The following CPA6 variants were observed in gnomAD, a reference collection of about 807,000 sequenced individuals.
The protein encoded by CPA6 is carboxypeptidase A6.
In CPA6, 58 loss-of-function variants were observed where a neutral mutation model predicts 63.3. The observed-to-expected ratio is 0.92, with a 90% confidence interval of 0.74 to 1.14. The LOEUF (loss-of-function observed/expected upper bound fraction) is 1.14, where lower values mean the gene tolerates loss of function less well. Among genes scored for constraint, CPA6 ranks in the 50% most tolerant of loss-of-function variants. The pLI is 0.00. For missense variants in CPA6, 565 were observed against 526.6 expected (o/e 1.07, Z -0.71); for synonymous variants, 185 against 179.0 (o/e 1.03, Z -0.27).
chr8:67,706,726 C>T (rs999069030), intron 1 of CPA6, among the ~76,000 whole-genome samples: 20 of 151,910 alleles, frequency 1.3e-4, no homozygotes, highest in Non-Finnish European at 7.4e-5. Flanking sequence ...CTTATATGAA[C>T]GTTCTACTCT....
chr8:67,446,290 G>A (rs1367232504), intron 8 of CPA6, among the ~76,000 whole-genome samples: 2 of 150,934 alleles, frequency 1.3e-5, no homozygotes, highest in Non-Finnish European at 3.0e-5. Context: ...GTAGTCATTT[G>A]CTAGGCTGGC....
intron 1 of CPA6, among the ~76,000 whole-genome samples, chr8:67,658,555 C>T (rs940562056): frequency 2.0e-5 from 3 of 152,146 alleles, no homozygotes; most frequent in Non-Finnish European, 2.9e-5. Flanking sequence ...ATTACTTCAA[C>T]ACTCTTTATG....
At chr8:67,646,256 C>T (rs192223041) in intron 1 of CPA6, among the ~76,000 whole-genome samples, 14 of 152,320 alleles carry the variant, frequency 9.2e-5, no homozygotes, top group Admixed American at 9.1e-4. Context: ...AAGATTCCTC[C>T]CCTTTCTTTT....
chr8:67,506,133 GCACA>G (rs1420770913), intron 6 of CPA6, among the ~76,000 whole-genome samples: 1 of 151,948 alleles, frequency 6.6e-6, no homozygotes, highest in Non-Finnish European at 1.5e-5. Flanking sequence ...GAAAGTGTTG[GCACA>G]AAAGGCTGGC....
chr8:67,582,502 G>A (rs573704464), intron 2 of CPA6, among the ~76,000 whole-genome samples: 1 of 152,216 alleles, frequency 6.6e-6, no homozygotes, highest in East Asian at 1.9e-4. Flanking sequence ...CATAGTGTGA[G>A]TGACTGAAGA....
chr8:67,547,939 G>A (rs573276011), intron 2 of CPA6, among the ~76,000 whole-genome samples: 4 of 152,252 alleles, frequency 2.6e-5, no homozygotes, highest in Non-Finnish European at 5.9e-5. Flanking sequence ...TAAAAGGAAG[G>A]AAGGAATAGG....
intron 1 of CPA6, among the ~76,000 whole-genome samples, chr8:67,696,526 C>T (rs1376595200): frequency 1.3e-5 from 2 of 151,996 alleles, no homozygotes; most frequent in Admixed American, 6.6e-5. Context: ...GAGGTATCTA[C>T]CCAAGAGAAA....
intron 1 of CPA6, among the ~76,000 whole-genome samples, chr8:67,698,178 A>C (rs1333274647): frequency 6.6e-6 from 1 of 152,194 alleles, no homozygotes; most frequent in East Asian, 1.9e-4. Context: ...TTGACTAGAT[A>C]GTAATGAAGA....
intron 1 of CPA6, among the ~76,000 whole-genome samples, chr8:67,654,029 T>C (rs28821198): frequency 0.35 from 52,993 of 151,636 alleles, 9,454 homozygotes; most frequent in South Asian, 0.42. Context: ...GTTCTGTTTA[T>C]ATGCTGGATT....
chr8:67,635,669 A>G (rs1178035420), intron 1 of CPA6, among the ~76,000 whole-genome samples: 3 of 151,660 alleles, frequency 2.0e-5, no homozygotes, highest in African/African-American at 7.3e-5. Context: ...TGGGAGGCTG[A>G]GGCAGAAGAA....
chr8:67,531,096 C>G (rs1265986399), intron 2 of CPA6, among the ~76,000 whole-genome samples: 1 of 151,640 alleles, frequency 6.6e-6, no homozygotes, highest in East Asian at 1.9e-4. Flanking sequence ...GTTTCCAAAA[C>G]AAAAAGGAAA....
intron 2 of CPA6, among the ~76,000 whole-genome samples, chr8:67,575,288 G>C (rs183732272): frequency 7.7e-4 from 118 of 152,312 alleles, no homozygotes; most frequent in African/African-American, 2.8e-3. Flanking sequence ...CTGTTGGTGG[G>C]AATGTAAATT....
At chr8:67,633,510 T>C (rs912188830) in intron 1 of CPA6, among the ~76,000 whole-genome samples, 1 of 152,124 alleles carries the variant, frequency 6.6e-6, no homozygotes, top group Admixed American at 6.5e-5. Context: ...TGAAACCTCG[T>C]CTCTATTAAA....
intron 1 of CPA6, among the ~76,000 whole-genome samples, chr8:67,670,644 GA>G (rs970159156): frequency 1.3e-5 from 2 of 152,022 alleles, no homozygotes; most frequent in Non-Finnish European, 2.9e-5. Context: ...AGGGAATAAA[GA>G]AAAAACAGTT....
chr8:67,716,092 T>G (rs947376757), intron 1 of CPA6, among the ~76,000 whole-genome samples: 6 of 139,392 alleles, frequency 4.3e-5, no homozygotes, highest in Admixed American at 1.6e-4. Context: ...AGGTGGAGGT[T>G]GCAGTGAGCC....
intron 6 of CPA6, among the ~76,000 whole-genome samples, chr8:67,500,763 A>ATT (rs757413090): frequency 0.013 from 1,840 of 142,004 alleles, 28 homozygotes; most frequent in African/African-American, 0.042. Context: ...AAAAAGATTC[A>ATT]TTTTTTTTTT....
intron 1 of CPA6, among the ~76,000 whole-genome samples, chr8:67,643,418 A>C (rs1462105125): frequency 6.6e-6 from 1 of 152,262 alleles, no homozygotes; most frequent in Non-Finnish European, 1.5e-5. Flanking sequence ...ATATATCAAC[A>C]AGGATGAATC....
intron 1 of CPA6, among the ~76,000 whole-genome samples, chr8:67,708,501 G>A (rs1817187918): frequency 6.6e-6 from 1 of 152,192 alleles, no homozygotes. Flanking sequence ...GGAGAAACAA[G>A]AGGGATGGGC....
chr8:67,500,300 T>G (rs1811805609), intron 6 of CPA6, among the ~76,000 whole-genome samples: 1 of 152,180 alleles, frequency 6.6e-6, no homozygotes, highest in Non-Finnish European at 1.5e-5. Flanking sequence ...AACGACATCT[T>G]TTTTGCGTGT....
Sources: gnomAD v4.1 joint callset for allele counts (sites outside exome capture counted in the v4.1 genomes callset) on GRCh38, gnomAD v4.1.1 for gene constraint, MANE v1.5 for transcripts, NCBI Gene and HGNC (gene_info 2026-07-23, HGNC 2026-07-21) for gene names.